Variants in HS3ST4 observed in about 807,000 individuals in gnomAD.
HS3ST4 encodes the protein heparan sulfate glucosamine 3-O-sulfotransferase 4.
A neutral mutation model predicts 29.2 loss-of-function variants in HS3ST4; 17 were observed. That is an observed-to-expected ratio of 0.58 (90% CI 0.40 to 0.87). HS3ST4 has a LOEUF of 0.87. Among genes scored for constraint, HS3ST4 ranks in the 40% least tolerant of loss-of-function variants. The pLI is 0.00. For synonymous variants in HS3ST4, 314 were observed against 285.7 expected (o/e 1.10, Z -1.00); for missense variants, 627 against 634.5 (o/e 0.99, Z 0.13).
chr16:26,027,421 G>A (rs1969487398), intron 1 of HS3ST4, among the ~76,000 whole-genome samples: 1 of 152,122 alleles, frequency 6.6e-6, no homozygotes, highest in Non-Finnish European at 1.5e-5. Flanking sequence ...CCCCCAGCCC[G>A]AGTTCCTATC....
At chr16:25,725,740 A>G (rs1966530822) in intron 1 of HS3ST4, among the ~76,000 whole-genome samples, 1 of 150,668 alleles carries the variant, frequency 6.6e-6, no homozygotes, top group Admixed American at 6.6e-5. Flanking sequence ...ATGCAAATAC[A>G]TATAATTTAC....
intron 1 of HS3ST4, among the ~76,000 whole-genome samples, chr16:25,774,672 T>C (rs1966845949): frequency 6.6e-6 from 1 of 152,092 alleles, no homozygotes; most frequent in African/African-American, 2.4e-5. Flanking sequence ...AATAATGCAA[T>C]GTGTAGGAAG....
At chr16:25,987,308 C>T (rs1282522259) in intron 1 of HS3ST4, among the ~76,000 whole-genome samples, 1 of 150,794 alleles carries the variant, frequency 6.6e-6, no homozygotes, top group East Asian at 2.0e-4. Flanking sequence ...GAGATCACGC[C>T]ATTGCAGTCC....
intron 1 of HS3ST4, among the ~76,000 whole-genome samples, chr16:26,070,069 C>T (rs1368105353): frequency 2.0e-5 from 3 of 152,114 alleles, no homozygotes; most frequent in Non-Finnish European, 4.4e-5. Context: ...TGGGTATATA[C>T]CCAGTAATGG....
chr16:26,039,316 C>T (rs1290123726), intron 1 of HS3ST4, among the ~76,000 whole-genome samples: 2 of 152,150 alleles, frequency 1.3e-5, no homozygotes, highest in African/African-American at 4.8e-5. Flanking sequence ...AATTTACATA[C>T]ATATATAGAA....
chr16:25,714,081 C>G (rs1041750059), intron 1 of HS3ST4, among the ~76,000 whole-genome samples: 3 of 152,096 alleles, frequency 2.0e-5, no homozygotes, highest in African/African-American at 4.8e-5. Flanking sequence ...TGTACTAATC[C>G]ATTACAAGAT....
chr16:25,949,500 G>A (rs1481735398), intron 1 of HS3ST4, among the ~76,000 whole-genome samples: 2 of 152,150 alleles, frequency 1.3e-5, no homozygotes, highest in African/African-American at 4.8e-5. Context: ...CTGTGTGTCA[G>A]AGGAAACCAG....
At chr16:26,064,954 A>G (rs1011550075) in intron 1 of HS3ST4, among the ~76,000 whole-genome samples, 2 of 152,110 alleles carry the variant, frequency 1.3e-5, no homozygotes, top group Non-Finnish European at 2.9e-5. Flanking sequence ...TCATACCATC[A>G]CCACCAGTAA....
chr16:25,930,213 G>A (rs1360302748), intron 1 of HS3ST4, among the ~76,000 whole-genome samples: 1 of 152,128 alleles, frequency 6.6e-6, no homozygotes, highest in Non-Finnish European at 1.5e-5. Context: ...TGAAGAACAT[G>A]CTTCTGGTTG....
intron 1 of HS3ST4, among the ~76,000 whole-genome samples, chr16:25,975,301 G>A (rs981946165): frequency 6.7e-6 from 1 of 150,178 alleles, no homozygotes; most frequent in South Asian, 2.1e-4. Context: ...AGGGGGAAGG[G>A]AGGGAGGGAG....
intron 1 of HS3ST4, among the ~76,000 whole-genome samples, chr16:25,974,685 A>G (rs1968927310): frequency 3.3e-5 from 5 of 152,222 alleles, no homozygotes; most frequent in Admixed American, 2.6e-4. Context: ...GAGACCAAGC[A>G]TGATAAGCAA....
chr16:25,910,582 G>A (rs1339662771), intron 1 of HS3ST4, among the ~76,000 whole-genome samples: 1 of 151,990 alleles, frequency 6.6e-6, no homozygotes. Context: ...GGCAGAGGTT[G>A]CAGTGAGCCG....
chr16:26,027,581 T>G (rs553298440), intron 1 of HS3ST4, among the ~76,000 whole-genome samples: 1 of 152,356 alleles, frequency 6.6e-6, no homozygotes, highest in African/African-American at 2.4e-5. Flanking sequence ...TTTATTTATG[T>G]TGAATAAATG....
At position 25,963,937 on chromosome 16, in the gene HS3ST4, G is replaced by A. The variant is rs537371135; in HGVS notation, c.735-171675G>A. On this transcript the variant is annotated intron_variant, in intron 1 of 1. Transcript: ENST00000331351. The stretch of plus-strand genomic sequence containing the variant: ...TGTAATCTCAGTGCTTTGGGAGGCC[G>A]AGGTGGGCAGATCACCTGAGGTCAG... 5.9e-5 allele frequency among the ~76,000 whole-genome samples: 9 copies of A among 152,286 alleles called. No individual in the cohort carries two copies. The South Asian group carries it at 6.2e-4, about 11-fold the overall frequency.
intron 1 of HS3ST4, among the ~76,000 whole-genome samples, chr16:25,905,114 C>T (rs1335144626): frequency 6.6e-6 from 1 of 152,070 alleles, no homozygotes; most frequent in East Asian, 1.9e-4. Context: ...CAAGACCACC[C>T]TGCCTCATAG....
chr16:25,865,424 C>G (rs1270776797), intron 1 of HS3ST4, among the ~76,000 whole-genome samples: 1 of 152,142 alleles, frequency 6.6e-6, no homozygotes, highest in East Asian at 1.9e-4. Context: ...ATGTTGAACA[C>G]TTTTTCATGT....
intron 1 of HS3ST4, among the ~76,000 whole-genome samples, chr16:26,122,453 T>C (rs1899289059): frequency 1.3e-5 from 2 of 152,218 alleles, no homozygotes; most frequent in South Asian, 4.1e-4. Flanking sequence ...ATGATCACAT[T>C]GCAAAAGGTC....
chr16:25,873,459 TACCCACCCATCC>T lies in HS3ST4; in HGVS notation c.734+180310_734+180321del, dbSNP rs1567261456. ...CCATCCATCCATCCACCCATCCATT[TACCCACCCATCC>T]ATCTATCTCTCTATCTATCTATCTA... On this transcript the variant is annotated intron_variant, in intron 1 of 1. Coordinates refer to ENST00000331351, the MANE Select transcript of HS3ST4 (RefSeq NM_006040.3). Among the ~76,000 whole-genome samples, 458 of 122,748 alleles carry T rather than the reference TACCCACCCATCC, an allele frequency of 3.7e-3. 7 individuals carry two copies. Among genetic ancestry groups the T allele is most frequent in the African/African-American group, 0.013 (432 of 32,126 alleles). The allele number at this position is 122,748 out of a possible 152,430, so 80.5% of individuals were successfully genotyped here. A position where few individuals can be genotyped will look rare whatever the true frequency, so the allele number is the denominator to read the frequency against.
At chr16:25,912,677 C>T (rs1203260692) in intron 1 of HS3ST4, among the ~76,000 whole-genome samples, 4 of 152,184 alleles carry the variant, frequency 2.6e-5, no homozygotes, top group Non-Finnish European at 5.9e-5. Flanking sequence ...AATTGGACAG[C>T]GTGAGTCCTG....
Sources: gnomAD v4.1 joint callset for allele counts (sites outside exome capture counted in the v4.1 genomes callset) on GRCh38, gnomAD v4.1.1 for gene constraint, MANE v1.5 for transcripts, NCBI Gene and HGNC (gene_info 2026-07-23, HGNC 2026-07-21) for gene names.